The following IPO8 variants were observed in gnomAD, a reference collection of about 807,000 sequenced individuals.
The protein encoded by IPO8 is importin 8.
Under a neutral mutation model 141.2 loss-of-function variants are expected in IPO8, and 65 were observed. That is an observed-to-expected ratio of 0.46 (90% CI 0.38 to 0.57). The LOEUF is 0.57. Among genes scored for constraint, IPO8 ranks in the 20% least tolerant of loss-of-function variants. The probability of loss-of-function intolerance (pLI) is 0.00; values close to 1 mark genes in which losing one functional copy is unlikely to be tolerated. For missense variants in IPO8, 980 were observed against 1,246.8 expected, an observed-to-expected ratio of 0.79 and a Z score of 3.22; for synonymous variants, 411 against 420.3, an observed-to-expected ratio of 0.98 and a Z score of 0.27.
At chr12:30,657,544 T>A (rs1591831129) in intron 16 of IPO8, among the ~76,000 whole-genome samples, 2 of 152,140 alleles carry the variant, frequency 1.3e-5, no homozygotes, top group Non-Finnish European at 2.9e-5. Context: ...TCAAGGGATT[T>A]ACCCTTCACA....
chr12:30,648,433 G>GT (rs531666819), intron 20 of IPO8, among the ~76,000 whole-genome samples: 4 of 152,120 alleles, frequency 2.6e-5, no homozygotes, highest in Admixed American at 1.3e-4. Flanking sequence ...CTGTTAATGA[G>GT]TTTTTTGGGA....
In IPO8 at chr12:30,665,970, C is replaced by A. The variant is rs550723186; in HGVS notation, c.1222-125G>T. 1.1e-4 allele frequency: 74 copies of A among 692,344 alleles called. No individual in the cohort carries two copies. The East Asian group carries it at 1.9e-3, about 18-fold the overall frequency. The allele number at this position is 692,344 out of a possible 1,614,324, so 42.9% of individuals were successfully genotyped here. On this transcript the variant is annotated intron_variant, in intron 11 of 24. Transcript: ENST00000256079. The stretch of plus-strand genomic sequence containing the variant: ...TTATGTTTTATCAAGCAACTATAAG[C>A]TCAATAAGAAAAGTATAATTTATTA...
intron 15 of IPO8, among the ~76,000 whole-genome samples, chr12:30,661,614 CAA>C (rs34097788): frequency 2.3e-5 from 3 of 129,468 alleles, no homozygotes; most frequent in Non-Finnish European, 5.0e-5. Flanking sequence ...ATGAAACAAA[CAA>C]AAAAAAAAAA....
In IPO8 at chr12:30,653,088, G is replaced by A. The variant is rs770431130; in HGVS notation, c.1953C>T (p.Phe651=). 6.2e-7 allele frequency: 1 copy of A among 1,606,418 alleles called. No homozygotes were observed. The highest frequency in any genetic ancestry group is 1.1e-5 in the South Asian group (1 of 90,226). ...DLVLQKHVIE[F]YEEILSLAYS... is the part of the protein sequence containing the mutation. ...ATGCCAGGGAAAGAATTTCTTCATA[G>A]AATTCTAGAAGAAAGAAAATCTCTA... Residue 651 remains phenylalanine (F), a synonymous_variant, in exon 18 of 25, where the codon TTC becomes TTT. Transcript: ENST00000256079.
chr12:30,647,603 C>CAA (rs34098076), intron 20 of IPO8, among the ~76,000 whole-genome samples: 9,834 of 40,650 alleles, frequency 0.24, 1,752 homozygotes, highest in African/African-American at 0.4. Context: ...AGACCGTCTC[C>CAA]AAAAAAAAAA....
chr12:30,656,547 A>T, intron 17 of IPO8, 137 bp downstream of exon 17: 1 of 513,036 alleles, frequency 1.9e-6, no homozygotes, highest in Non-Finnish European at 3.5e-6. Flanking sequence ...TAGAAAGGAC[A>T]TCCAAAAATT....
chr12:30,663,582 A>G lies in IPO8; in HGVS notation c.1501T>C (p.Leu501=), dbSNP rs1218551036. The G allele has an allele frequency of 2.5e-6, 4 of 1,613,744 alleles. No individual in the cohort carries two copies. The highest frequency in any genetic ancestry group is 2.2e-5 in the South Asian group (2 of 91,046). The change falls in exon 14 of 25, where the codon TTA becomes CTA. Residue 501 remains leucine (L), a synonymous_variant. Transcript: ENST00000256079. ...TCTTCAATCAGGCTCTTCTTCGCTA[A>G]TTCAACGGCATTTCTTAGATTGAGC... is the stretch of plus-strand genomic sequence containing the variant. ...NELNLRNAVE[L]AKKSLIEDKE...
At chr12:30,671,121 C>G (rs1195985556) in intron 8 of IPO8, 25 bp from the exon 9 acceptor site, 3 of 1,489,908 alleles carry the variant, frequency 2.0e-6, no homozygotes, top group Non-Finnish European at 2.8e-6. Flanking sequence ...AAAATACAGA[C>G]TAACATAAAC....
rs140261578 is a variant in IPO8, at chr12:30,665,763, T to C, written c.1304A>G (p.His435Arg). 1.6e-5 allele frequency: 26 copies of C among 1,612,888 alleles called. No homozygotes were observed. The Admixed American group carries it at 2.0e-4, about 12-fold the overall frequency. ...AATCTCAGCTAGGGAACCAATCACA[T>C]GCAGGGCTCCATCTTTCTTCCTAGG... ...FDPRKKDGALHVIGSLAEILL... is the reference protein window; with the variant it reads ...FDPRKKDGALRVIGSLAEILL... Residue 435 changes from histidine to arginine, a missense_variant, in exon 12 of 25, where the codon CAT becomes CGT. Physicochemically the swap from His to Arg is conservative, Grantham distance 29. Around this residue, in one of 3 missense-constraint regions of IPO8, gnomAD observed 924 missense variants for 1,153.9 expected, o/e 0.80. Coordinates refer to ENST00000256079, the MANE Select transcript of IPO8 (RefSeq NM_006390.4).
At chr12:30,690,685 T>C in intron 1 of IPO8, 108 bp from the exon 2 acceptor site, 1 of 577,928 alleles carries the variant, frequency 1.7e-6, no homozygotes, top group Non-Finnish European at 3.0e-6. Flanking sequence ...GAAAAACTTT[T>C]AAACTGAGAC....
In IPO8 at chr12:30,629,081, G is replaced by A. The variant is rs898736604; in HGVS notation, c.*1779C>T. The stretch of plus-strand genomic sequence containing the variant: ...AGGTCACATTCAGGTTAGCACTGCT[G>A]GTAACAAAATCATACAACTACCCTG... On this transcript the variant is annotated 3_prime_UTR_variant, in exon 25 of 25. Coordinates refer to ENST00000256079, the MANE Select transcript of IPO8 (RefSeq NM_006390.4). 1 of 152,136 alleles carries A rather than the reference G, an allele frequency of 6.6e-6. No homozygotes were observed. The highest frequency in any genetic ancestry group is 2.4e-5 in the African/African-American group (1 of 41,426). 9.4% of individuals were successfully genotyped at this position (152,136 alleles called of 1,614,324 possible).
At chr12:30,667,040 C>G (rs976554141) in intron 10 of IPO8, among the ~76,000 whole-genome samples, 1 of 152,184 alleles carries the variant, frequency 6.6e-6, no homozygotes, top group Non-Finnish European at 1.5e-5. Context: ...AAACTGAAGT[C>G]TTGAGAGGTA....
chr12:30,636,913 A>C (rs1486523755), intron 22 of IPO8, 69 bp downstream of exon 22: 7 of 1,197,320 alleles, frequency 5.8e-6, no homozygotes, highest in Non-Finnish European at 8.6e-6. Flanking sequence ...CATATAGACT[A>C]GTATTCATAT....
intron 24 of IPO8, among the ~76,000 whole-genome samples, chr12:30,631,197 G>T (rs1009909051): frequency 6.6e-6 from 1 of 152,166 alleles, no homozygotes; most frequent in Non-Finnish European, 1.5e-5. Context: ...ACACGTCTCA[G>T]AGGTGGATTC....
rs547875104 is a variant in IPO8 at position 30,632,446 on chromosome 12, T to C, written c.2900-435A>G. 2.0e-4 allele frequency among the ~76,000 whole-genome samples: 31 copies of C among 152,328 alleles called. No homozygotes were observed. In the South Asian group the frequency reaches 6.4e-3, roughly 32 times the overall value. On this transcript the variant is annotated intron_variant, in intron 23 of 24. Coordinates refer to ENST00000256079, the MANE Select transcript of IPO8 (RefSeq NM_006390.4). ...AGCCTCCTGGACTGTTCCATTTGAATAGCTCATCTCAAACTCAACACAACT... is the reference window on the plus strand; with the variant it reads ...AGCCTCCTGGACTGTTCCATTTGAACAGCTCATCTCAAACTCAACACAACT...
rs1173476870 is a variant in IPO8, at chr12:30,630,965, T to G, written c.3017-8A>C. On this transcript the variant is annotated splice_polypyrimidine_tract_variant and splice_region_variant and intron_variant, in intron 24 of 24. Transcript: ENST00000256079. ...CAATCTTCTTCTTTGCCTCTAGCAT[T>G]TTTCAAAAGAAAAGGGGAGAAGAAA... is the stretch of plus-strand genomic sequence containing the variant. The G allele has an allele frequency of 3.1e-6, 5 of 1,608,438 alleles. No homozygotes were observed. The highest frequency in any genetic ancestry group is 3.7e-4 in the Middle Eastern group (2 of 5,404).
rs990335577 is a variant in IPO8 at position 30,653,188 on chromosome 12, G to A, written c.1949-96C>T. ...AGGGTTTAGACTACCTACGCACACA[G>A]AGTCCTCCTCTATCCAATGTACTCA... On this transcript the variant is annotated intron_variant, in intron 17 of 24. Coordinates refer to ENST00000256079, the MANE Select transcript of IPO8 (RefSeq NM_006390.4). 2.3e-5 allele frequency: 25 copies of A among 1,068,740 alleles called. No individual in the cohort carries two copies. The Admixed American group carries it at 5.3e-4, about 23-fold the overall frequency. The allele number at this position is 1,068,740 out of a possible 1,614,324, so 66.2% of individuals were successfully genotyped here.
rs374699235 is a variant in IPO8, at chr12:30,662,478, T to C, written c.1604A>G (p.Tyr535Cys). Residue 535 changes from tyrosine (Y) to cysteine (C), a missense_variant, in exon 15 of 25, where the codon TAT becomes TGT. This residue lies in a region of IPO8 where 924 missense variants were observed against 1,153.9 expected (regional missense o/e 0.80). Transcript: ENST00000256079. ...AATAGGCCTCACATGTGGCTTCATA[T>C]ATTCCTTAGCTAATTCAATAAAACA... ...LISNQIQAKE[Y>C]MKPHVRPIMQ... 21 of 1,609,742 alleles carry C rather than the reference T, an allele frequency of 1.3e-5. No homozygotes were observed. Among genetic ancestry groups the C allele is most frequent in the Non-Finnish European group, 1.6e-5 (19 of 1,177,146 alleles).
chr12:30,650,309 T>A (rs752400794), intron 19 of IPO8, among the ~76,000 whole-genome samples: 20 of 152,136 alleles, frequency 1.3e-4, no homozygotes, highest in Admixed American at 2.0e-4. Flanking sequence ...CCCAAAATGC[T>A]ATCAAAATGA....
Sources: allele counts gnomAD v4.1 joint callset (sites outside exome capture counted in the v4.1 genomes callset), GRCh38; gene constraint gnomAD v4.1.1; regional missense constraint gnomAD v4.1.1; transcripts MANE v1.5; gene names NCBI Gene and HGNC (gene_info 2026-07-23, HGNC 2026-07-21).